Variants in HABP2 observed in about 807,000 individuals in gnomAD.
The protein encoded by HABP2 is factor VII-activating protease.
In HABP2, 65 loss-of-function variants were observed where a neutral mutation model predicts 66.5. The ratio of observed to expected loss-of-function variants is 0.98; its 90% CI spans 0.80 to 1.20. HABP2 has a LOEUF of 1.20. Ranked by LOEUF, HABP2 falls within the 50% of genes most tolerant of loss-of-function variation. The pLI, the probability that HABP2 is intolerant of heterozygous loss-of-function variation, is 0.00. For synonymous variants in HABP2, 263 were observed against 253.9 expected (o/e 1.04, Z -0.34); for missense variants, 786 against 691.0 (o/e 1.14, Z -1.54).
intron 2 of HABP2, among the ~76,000 whole-genome samples, chr10:113,573,427 A>G (rs765228295): frequency 6.6e-6 from 1 of 152,216 alleles, no homozygotes; most frequent in Non-Finnish European, 1.5e-5. Context: ...GGATGGTGGG[A>G]CACATTTTCC....
At chr10:113,563,439 A>G (rs1565097795) in intron 1 of HABP2, among the ~76,000 whole-genome samples, 1 of 152,010 alleles carries the variant, frequency 6.6e-6, no homozygotes, top group African/African-American at 2.4e-5. Context: ...CAGTTTCCAC[A>G]TTGCACCACG....
chr10:113,577,078 ATT>A, intron 4 of HABP2, 70 bp from the exon 5 acceptor site: 1 of 852,908 alleles, frequency 1.2e-6, no homozygotes, highest in Non-Finnish European at 2.0e-6. Context: ...ACCCTCAAAC[ATT>A]GTTTTATACA....
At chr10:113,579,225 GTGACAGAGTGAGACC>G (rs1260896621) in intron 7 of HABP2, among the ~76,000 whole-genome samples, 1 of 151,672 alleles carries the variant, frequency 6.6e-6, no homozygotes, top group Non-Finnish European at 1.5e-5. Flanking sequence ...TCCAGCCTGG[GTGACAGAGTGAGACC>G]CTGTCTCAAA....
At chr10:113,563,816 C>T (rs1388103481) in intron 1 of HABP2, among the ~76,000 whole-genome samples, 1 of 152,154 alleles carries the variant, frequency 6.6e-6, no homozygotes, top group African/African-American at 2.4e-5. Flanking sequence ...CCCTGTTCGG[C>T]TCAAAGAGAA....
chr10:113,574,356 A>G lies in HABP2; in HGVS notation c.174A>G (p.Thr58=). 6.2e-7 allele frequency: 1 copy of G among 1,607,888 alleles called. No individual in the cohort carries two copies. Among genetic ancestry groups the G allele is most frequent in the South Asian group, 1.1e-5 (1 of 90,952 alleles). The stretch of plus-strand genomic sequence containing the variant: ...ATCAGGAAGAGAACACCAGTAGCAC[A>G]CTTACCCACGCTGAGAATCCTGACT... ...DYNQEENTSS[T]LTHAENPDWY... The change falls in exon 3 of 13, where the codon ACA becomes ACG. Residue 58 remains threonine, a synonymous_variant. Coordinates refer to ENST00000351270, the MANE Select transcript of HABP2 (RefSeq NM_004132.5).
At chr10:113,555,281 G>A (rs1053041833) in intron 1 of HABP2, among the ~76,000 whole-genome samples, 3 of 152,244 alleles carry the variant, frequency 2.0e-5, no homozygotes, top group African/African-American at 7.2e-5. Context: ...GCTGATGAGT[G>A]GCAGAGCTGA....
chr10:113,570,835 G>A (rs1845293523), intron 2 of HABP2, among the ~76,000 whole-genome samples: 1 of 152,216 alleles, frequency 6.6e-6, no homozygotes. Flanking sequence ...ACTACAGGTA[G>A]GGCTTTGTGC....
chr10:113,585,689 A>C lies in HABP2; in HGVS notation c.1373-104A>C, dbSNP rs1845619797. ...ATCCTGGAAAAACCCTTCCCTTCTG[A>C]GCTAAGAGTTGGTGGGCTTCTCCCT... On this transcript the variant is annotated intron_variant, in intron 11 of 12. Transcript: ENST00000351270. The C allele has an allele frequency of 5.9e-6, 5 of 841,226 alleles. No individual in the cohort carries two copies. In the Admixed American group the frequency reaches 7.3e-5, roughly 12 times the overall value. The allele number at this position is 841,226 out of a possible 1,614,324, so 52.1% of individuals were successfully genotyped here. A position where few individuals can be genotyped will look rare whatever the true frequency, so the allele number is the denominator to read the frequency against.
At chr10:113,584,415 C>T in intron 11 of HABP2, 133 bp downstream of exon 11, 1 of 738,530 alleles carries the variant, frequency 1.4e-6, no homozygotes. Flanking sequence ...AAAGCATCCA[C>T]CTCATTGATC....
upstream of HABP2, among the ~76,000 whole-genome samples, chr10:113,552,454 C>T (rs1356074277): frequency 3.3e-5 from 5 of 151,908 alleles, no homozygotes; most frequent in Middle Eastern, 3.4e-3. Flanking sequence ...TTTTTTCCTC[C>T]GCTTGATCAA....
chr10:113,574,423 T>G lies in HABP2; in HGVS notation c.223+18T>G, dbSNP rs763595123. 1.8e-5 allele frequency: 22 copies of G among 1,204,850 alleles called. No individual in the cohort carries two copies. Among genetic ancestry groups the G allele is most frequent in the Non-Finnish European group, 2.7e-5 (22 of 805,818 alleles). 74.6% of individuals were successfully genotyped at this position (1,204,850 alleles called of 1,614,324 possible). Reference sequence around the variant, plus strand: ...CCAAGCTGGTAGGTACCAAATCTCTTTCAGGGACTCTCCTGGGAGAAGGTC... The same window carrying G: ...CCAAGCTGGTAGGTACCAAATCTCTGTCAGGGACTCTCCTGGGAGAAGGTC... On this transcript the variant is annotated intron_variant, in intron 3 of 12. Coordinates refer to ENST00000351270, the MANE Select transcript of HABP2 (RefSeq NM_004132.5).
At chr10:113,564,011 A>G (rs1437588591) in intron 1 of HABP2, among the ~76,000 whole-genome samples, 2 of 152,128 alleles carry the variant, frequency 1.3e-5, no homozygotes, top group African/African-American at 4.8e-5. Context: ...GTCCATTCTC[A>G]TGCTGCTAAT....
Position 113,585,180 on chromosome 10 carries a change from T to C in HABP2, c.1373-613T>C, listed in dbSNP as rs545290668. ...TAAACTCATTTTACAGCCATTTTCA[T>C]TGTAGTCCATCTGAACTTGTCAACC... On this transcript the variant is annotated intron_variant, in intron 11 of 12. Transcript: ENST00000351270. Among the ~76,000 whole-genome samples the C allele has an allele frequency of 7.9e-5, 12 of 152,338 alleles. No homozygotes were observed. In the East Asian group the frequency reaches 2.1e-3, roughly 27 times the overall value.
upstream of HABP2, among the ~76,000 whole-genome samples, chr10:113,551,626 C>T (rs891076285): frequency 6.6e-6 from 1 of 151,872 alleles, no homozygotes; most frequent in Admixed American, 6.6e-5. Flanking sequence ...GCCAAGATGG[C>T]GAAATGCCGT....
At chr10:113,579,471 C>CTAG (rs1845479818) in intron 7 of HABP2, among the ~76,000 whole-genome samples, 1 of 152,204 alleles carries the variant, frequency 6.6e-6, no homozygotes, top group African/African-American at 2.4e-5. Flanking sequence ...GAAATAATCA[C>CTAG]ATGAGCCCAC....
chr10:113,579,247 C>CA (rs947065639), intron 7 of HABP2, among the ~76,000 whole-genome samples: 2 of 139,292 alleles, frequency 1.4e-5, no homozygotes, highest in African/African-American at 5.3e-5. Flanking sequence ...GACCCTGTCT[C>CA]AAAAAAAGAA....
upstream of HABP2, among the ~76,000 whole-genome samples, chr10:113,552,305 T>C (rs1844912105): frequency 1.3e-5 from 2 of 152,212 alleles, no homozygotes; most frequent in Non-Finnish European, 2.9e-5. Context: ...ATTAAGATCA[T>C]GCCTATTAAA....
intron 1 of HABP2, among the ~76,000 whole-genome samples, chr10:113,562,030 T>G (rs569497500): frequency 2.7e-4 from 41 of 152,218 alleles, no homozygotes; most frequent in Non-Finnish European, 4.7e-4. Context: ...AGTTTAACAT[T>G]GCTAAGGGCC....
At chr10:113,558,445 G>A (rs547212815) in intron 1 of HABP2, among the ~76,000 whole-genome samples, 20 of 152,284 alleles carry the variant, frequency 1.3e-4, no homozygotes, top group African/African-American at 4.6e-4. Flanking sequence ...AGCCTGAAGC[G>A]GCTTTATCCT....
Sources: gnomAD v4.1 joint callset for allele counts (sites outside exome capture counted in the v4.1 genomes callset) on GRCh38, gnomAD v4.1.1 for gene constraint, MANE v1.5 for transcripts, NCBI Gene and HGNC (gene_info 2026-07-23, HGNC 2026-07-21) for gene names.